Variants in SLC22A12 observed in about 807,000 individuals in gnomAD.
SLC22A12 encodes the protein organic anion transporter 4-like protein.
A neutral mutation model predicts 52.7 loss-of-function variants in SLC22A12; 56 were observed. That is an observed-to-expected ratio of 1.06 (90% confidence interval 0.86 to 1.33). The LOEUF (loss-of-function observed/expected upper bound fraction) is 1.33, where lower values mean the gene tolerates loss of function less well. SLC22A12 is among the 40% of genes most tolerant of loss of function. SLC22A12 has a pLI of 0.00. For synonymous variants in SLC22A12, 337 were observed against 324.6 expected, an observed-to-expected ratio of 1.04 and a Z score of -0.41; for missense variants, 683 against 741.5, an observed-to-expected ratio of 0.92 and a Z score of 0.92.
chr11:64,601,047 C>T, intron 9 of SLC22A12, 109 bp downstream of exon 9: 1 of 1,393,548 alleles, frequency 7.2e-7, no homozygotes, highest in Admixed American at 1.8e-5. Flanking sequence ...AGCAGAGGCC[C>T]AGACAGATAG....
At chr11:64,594,318 G>A (rs543640973) in intron 4 of SLC22A12, among the ~76,000 whole-genome samples, 1 of 152,386 alleles carries the variant, frequency 6.6e-6, no homozygotes, top group East Asian at 1.9e-4. Context: ...ACTCATCAGA[G>A]GGGAGTCCAC....
At position 64,591,291 on chromosome 11, in the gene SLC22A12, C is replaced by T. The variant is rs2038908606; in HGVS notation, c.-266C>T. 3.8e-6 allele frequency: 2 copies of T among 529,524 alleles called. No individual in the cohort carries two copies. Among genetic ancestry groups the T allele is most frequent in the Non-Finnish European group, 6.7e-6 (2 of 297,868 alleles). The allele number at this position is 529,524 out of a possible 1,614,324, so 32.8% of individuals were successfully genotyped here. On this transcript the variant is annotated 5_prime_UTR_variant, in exon 1 of 10. Transcript: ENST00000377574. Reference sequence around the variant, plus strand: ...TTCAGCTTTCCCGGGAGGTCTGGAGCAGCTGCCTCTCTGGGGAGATGCTGG... The same window carrying T: ...TTCAGCTTTCCCGGGAGGTCTGGAGTAGCTGCCTCTCTGGGGAGATGCTGG...
Position 64,600,743 on chromosome 11 carries a change from CAG to C in SLC22A12, c.1404_1405del (p.Val469GlyfsTer136), listed in dbSNP as rs2039428500. 6.2e-7 allele frequency: 1 copy of C among 1,604,764 alleles called. No individual in the cohort carries two copies. Among genetic ancestry groups the C allele is most frequent in the Non-Finnish European group, 8.5e-7 (1 of 1,179,918 alleles). The stretch of plus-strand genomic sequence containing the variant: ...TGCATCTGCATTGGCAGGATGACGG[CAG>C]TGGGCTTGGGCCAGATGGCAGCCCG... On this transcript the variant is annotated frameshift_variant, in exon 9 of 10. Transcript: ENST00000377574. LOFTEE classifies it high-confidence loss of function.
intron 4 of SLC22A12, 72 bp downstream of exon 4, chr11:64,593,875 C>G: frequency 6.4e-7 from 1 of 1,552,154 alleles, no homozygotes; most frequent in Non-Finnish European, 8.7e-7. Flanking sequence ...ATGGGAGACT[C>G]TCCTTTCCCT....
rs1371467044 is a variant in SLC22A12, at chr11:64,600,392, G to A, written c.1311G>A (p.Leu437=). The A allele has an allele frequency of 1.2e-6, 2 of 1,607,106 alleles. No individual in the cohort carries two copies. ...PHEMGALRSA[L]AVLGLGGVGA... The stretch of plus-strand genomic sequence containing the variant: ...AAATGGGGGCTCTGCGCTCAGCCTT[G>A]GCCGTGCTGGGGCTGGGCGGGGTGG... The change falls in exon 8 of 10, where the codon TTG becomes TTA. Residue 437 remains leucine (L), a synonymous_variant. Coordinates refer to ENST00000377574, the MANE Select transcript of SLC22A12 (RefSeq NM_144585.4).
At chr11:64,592,060 TC>T in intron 1 of SLC22A12, 102 bp downstream of exon 1, 1 of 1,503,088 alleles carries the variant, frequency 6.7e-7, no homozygotes, top group Non-Finnish European at 8.9e-7. Context: ...GGGACCCACC[TC>T]CCCAGGCCCC....
intron 4 of SLC22A12, among the ~76,000 whole-genome samples, chr11:64,597,035 T>C (rs1342447576): frequency 6.6e-6 from 1 of 152,196 alleles, no homozygotes; most frequent in African/African-American, 2.4e-5. Context: ...GTGGAGCTCA[T>C]AGGGAATCCC....
chr11:64,600,852 G>T lies in SLC22A12; in HGVS notation c.1512G>T (p.Val504=). Residue 504 remains valine (V), a synonymous_variant, in exon 9 of 10, where the codon GTG becomes GTT. Transcript: ENST00000377574. ...PWLPLLVYGT[V]PVLSGLAALL... is the part of the protein sequence containing the mutation. Reference sequence around the variant, plus strand: ...TGCCCTTGCTGGTGTATGGGACGGTGCCAGTGCTGAGTGGCCTGGCCGCAC... The same window carrying T: ...TGCCCTTGCTGGTGTATGGGACGGTTCCAGTGCTGAGTGGCCTGGCCGCAC... 1 of 1,608,722 alleles carries T rather than the reference G, an allele frequency of 6.2e-7. No individual in the cohort carries two copies.
At position 64,599,886 on chromosome 11, in the gene SLC22A12, C is replaced by G; in HGVS notation, c.1281C>G (p.Pro427=). Residue 427 remains proline (P), a synonymous_variant, in exon 7 of 10, where the codon CCC becomes CCG. Transcript: ENST00000377574. ...GLCILANTLV[P]HEMGALRSAL... is the part of the protein sequence containing the mutation. ...GCATTCTGGCCAACACGCTGGTGCC[C>G]CACGGTGAGGGGGCAAAGCTGTACA... 1 of 1,612,384 alleles carries G rather than the reference C, an allele frequency of 6.2e-7. No homozygotes were observed. Among genetic ancestry groups the G allele is most frequent in the Non-Finnish European group, 8.5e-7 (1 of 1,179,756 alleles).
At chr11:64,591,998 G>T in intron 1 of SLC22A12, 40 bp downstream of exon 1, 1 of 1,601,102 alleles carries the variant, frequency 6.2e-7, no homozygotes, top group South Asian at 1.1e-5. Flanking sequence ...CCACCACCTT[G>T]GAGGTCAGTC....
Position 64,593,752 on chromosome 11 carries a change from T to TG in SLC22A12, c.780dup (p.Leu261AlafsTer58). The TG allele has an allele frequency of 1.2e-6, 2 of 1,613,054 alleles. No individual in the cohort carries two copies. Among genetic ancestry groups the TG allele is most frequent in the Non-Finnish European group, 1.7e-6 (2 of 1,180,014 alleles). On this transcript the variant is annotated frameshift_variant, in exon 4 of 10. Transcript: ENST00000377574. LOFTEE classifies it high-confidence loss of function. ...GCCTACGGTGTGCGGGACTGGACACTGCTGCAGCTGGTGGTCTCGGTCCCC... is the reference window on the plus strand; with the variant it reads ...GCCTACGGTGTGCGGGACTGGACACTGGCTGCAGCTGGTGGTCTCGGTCCCC...
rs766979331 is a variant in SLC22A12, at chr11:64,591,730, G to C, written c.174G>C (p.Thr58=). The C allele has an allele frequency of 7.4e-6, 12 of 1,612,588 alleles. No homozygotes were observed. The Admixed American group carries it at 1.2e-4, about 16-fold the overall frequency. ...RCWAPLLDNS[T]AQASILGSLS... ...GGGCACCCCTCCTGGACAACAGCACGGCTCAGGCCAGCATCCTAGGGAGCT... is the reference window on the plus strand; with the variant it reads ...GGGCACCCCTCCTGGACAACAGCACCGCTCAGGCCAGCATCCTAGGGAGCT... The change falls in exon 1 of 10, where the codon ACG becomes ACC. Residue 58 remains threonine, a synonymous_variant. Transcript: ENST00000377574.
intron 8 of SLC22A12, 37 bp downstream of exon 8, chr11:64,600,512 TG>T: frequency 6.6e-7 from 1 of 1,515,460 alleles, no homozygotes. Context: ...AGGGGAGCCC[TG>T]GGCTGAGCTG....
At chr11:64,595,255 A>T (rs2039107508) in intron 4 of SLC22A12, among the ~76,000 whole-genome samples, 1 of 45,544 alleles carries the variant, frequency 2.2e-5, no homozygotes, top group Non-Finnish European at 4.5e-5. Context: ...GATGGATGGA[A>T]TGGATGGATG....
Position 64,598,529 on chromosome 11 carries a change from T to A in SLC22A12, c.844T>A (p.Ser282Thr), listed in dbSNP as rs2039328089. The change falls in exon 5 of 10, where the codon TCG becomes ACG. Residue 282 changes from serine (S) to threonine (T), a missense_variant. By Grantham distance (58) the Ser-to-Thr change is moderately conservative (BLOSUM62 1). Transcript: ENST00000377574. ...CFLYSWWLAE[S>T]ARWLLTTGRL... Reference sequence around the variant, plus strand: ...CCTCCACTTAAGGTGGCTGGCAGAGTCGGCACGATGGCTCCTCACCACAGG... The same window carrying A: ...CCTCCACTTAAGGTGGCTGGCAGAGACGGCACGATGGCTCCTCACCACAGG... 6.3e-7 allele frequency: 1 copy of A among 1,585,144 alleles called. No homozygotes were observed. Among genetic ancestry groups the A allele is most frequent in the South Asian group, 1.2e-5 (1 of 86,646 alleles).
Position 64,599,875 on chromosome 11 carries a change from A to G in SLC22A12, c.1270A>G (p.Thr424Ala). Reference sequence around the variant, plus strand: ...GGCAGGGCTCTGCATTCTGGCCAACACGCTGGTGCCCCACGGTGAGGGGGC... The same window carrying G: ...GGCAGGGCTCTGCATTCTGGCCAACGCGCTGGTGCCCCACGGTGAGGGGGC... Reference protein sequence around the residue: ...LLAGLCILANTLVPHEMGALR... With the variant: ...LLAGLCILANALVPHEMGALR... Residue 424 changes from threonine to alanine, a missense_variant, in exon 7 of 10, where the codon ACG (threonine) becomes GCG (alanine). By Grantham distance (58) the Thr-to-Ala change is moderately conservative. Transcript: ENST00000377574. The G allele has an allele frequency of 1.2e-6, 2 of 1,612,200 alleles. No individual in the cohort carries two copies. The highest frequency in any genetic ancestry group is 1.7e-6 in the Non-Finnish European group (2 of 1,179,572).
chr11:64,593,226 G>A (rs992803891), intron 2 of SLC22A12, among the ~76,000 whole-genome samples, 179 bp from the exon 3 acceptor site: 3 of 152,262 alleles, frequency 2.0e-5, no homozygotes, highest in African/African-American at 7.2e-5. Flanking sequence ...CTGGCCTCGG[G>A]ACTCTCCTTG....
chr11:64,600,020 C>T (rs2039400627), intron 7 of SLC22A12, 130 bp downstream of exon 7: 3 of 1,158,548 alleles, frequency 2.6e-6, no homozygotes, highest in Non-Finnish European at 3.7e-6. Context: ...CCGGAGCCGT[C>T]TAGGGACAGA....
chr11:64,599,591 G>GCCCCCCCCCCCCCCTTTTTCCCCCCCCCC, intron 6 of SLC22A12, 85 bp from the exon 7 acceptor site: 1 of 617,180 alleles, frequency 1.6e-6, no homozygotes. Flanking sequence ...CCCACCCTGA[G>GCCCCCCCCCCCCCCTTTTTCCCCCCCCCC]CCCCCACCGC....
Sources: gnomAD v4.1 joint callset for allele counts (sites outside exome capture counted in the v4.1 genomes callset) on GRCh38, gnomAD v4.1.1 for gene constraint, MANE v1.5 for transcripts, NCBI Gene and HGNC (gene_info 2026-07-23, HGNC 2026-07-21) for gene names.